Variants in HS3ST4 observed in about 807,000 individuals in gnomAD.
The protein encoded by HS3ST4 is heparan sulfate-glucosamine 3-sulfotransferase 4.
HS3ST4 carries 17 observed loss-of-function variants against 29.2 expected under a neutral mutation model. The ratio of observed to expected loss-of-function variants is 0.58; its 90% CI spans 0.40 to 0.87. HS3ST4 has a LOEUF of 0.87. Among genes scored for constraint, HS3ST4 ranks in the 40% least tolerant of loss-of-function variants. HS3ST4 has a pLI of 0.00. For synonymous variants in HS3ST4, 314 were observed against 285.7 expected (o/e 1.10, Z -1.00); for missense variants, 627 against 634.5 (o/e 0.99, Z 0.13).
chr16:25,824,765 A>G (rs1430317298), intron 1 of HS3ST4: 1 of 152,232 alleles, frequency 6.6e-6, no homozygotes, highest in Non-Finnish European at 1.5e-5. Flanking sequence ...TGCCACATAT[A>G]GAAGTCTTTG....
intron 1 of HS3ST4, among the ~76,000 whole-genome samples, chr16:25,848,137 AC>A (rs1967483844): frequency 6.6e-6 from 1 of 151,764 alleles, no homozygotes; most frequent in African/African-American, 2.4e-5. Flanking sequence ...GTATTTGCTA[AC>A]TTTTTTTTTT....
rs989839864 is a variant in HS3ST4, at chr16:25,822,918, A to G, written c.734+129767A>G. 3.3e-5 allele frequency among the ~76,000 whole-genome samples: 5 copies of G among 152,126 alleles called. No homozygotes were observed. In the South Asian group the frequency reaches 8.3e-4, roughly 25 times the overall value. ...ACCCCTGACTAATTTTTATATTTTT[A>G]GTAGAGAAAGGATTTCCCTATGTTG... On this transcript the variant is annotated intron_variant, in intron 1 of 1. Coordinates refer to ENST00000331351, the MANE Select transcript of HS3ST4 (RefSeq NM_006040.3).
At chr16:26,041,434 C>G (rs1268691076) in intron 1 of HS3ST4, among the ~76,000 whole-genome samples, 1 of 152,188 alleles carries the variant, frequency 6.6e-6, no homozygotes, top group Non-Finnish European at 1.5e-5. Context: ...CAGCCCTACT[C>G]TAGGCCAATC....
chr16:25,956,181 A>C (rs1490765259), intron 1 of HS3ST4, among the ~76,000 whole-genome samples: 1 of 152,182 alleles, frequency 6.6e-6, no homozygotes, highest in Non-Finnish European at 1.5e-5. Context: ...TTAGAGATGC[A>C]TCCTCTCGTC....
chr16:25,797,019 C>T (rs1253120231), intron 1 of HS3ST4, among the ~76,000 whole-genome samples: 5 of 152,170 alleles, frequency 3.3e-5, no homozygotes, highest in Non-Finnish European at 7.3e-5. Context: ...GAGAAGTCCT[C>T]CTGCCCTTGT....
intron 1 of HS3ST4, among the ~76,000 whole-genome samples, chr16:25,939,631 A>G (rs768272898): frequency 7.2e-5 from 11 of 152,022 alleles, no homozygotes; most frequent in Non-Finnish European, 1.5e-4. Context: ...GAGCCACCGT[A>G]CCCGGCCATT....
rs1353554896 is a variant in HS3ST4 at position 26,018,915 on chromosome 16, A to C, written c.735-116697A>C. Among the ~76,000 whole-genome samples, 4 of 151,702 alleles carry C rather than the reference A, an allele frequency of 2.6e-5. No individual in the cohort carries two copies. In the East Asian group the frequency reaches 7.7e-4, roughly 29 times the overall value. ...GCAGGCAGTGGTTTAGTTTCAATAC[A>C]GTCACCCTGTTCTTGATCATCTTTC... On this transcript the variant is annotated intron_variant, in intron 1 of 1. Coordinates refer to ENST00000331351, the MANE Select transcript of HS3ST4 (RefSeq NM_006040.3).
At chr16:26,029,661 T>G (rs1333708124) in intron 1 of HS3ST4, among the ~76,000 whole-genome samples, 1 of 152,206 alleles carries the variant, frequency 6.6e-6, no homozygotes, top group East Asian at 1.9e-4. Flanking sequence ...TCCACACGCC[T>G]CGGCCTCCCA....
chr16:25,709,727 T>A (rs1015876156), intron 1 of HS3ST4, among the ~76,000 whole-genome samples: 13 of 151,728 alleles, frequency 8.6e-5, no homozygotes, highest in Admixed American at 7.2e-4. Flanking sequence ...AGGGAGGCAA[T>A]GCAGGAAAAA....
intron 1 of HS3ST4, among the ~76,000 whole-genome samples, chr16:25,943,566 A>G (rs1968595395): frequency 6.6e-6 from 1 of 152,208 alleles, no homozygotes; most frequent in South Asian, 2.1e-4. Context: ...TGTTTAAAAA[A>G]AAATACTGAG....
At chr16:25,788,540 C>CTTTTTTTTTTTTTTTT (rs34729954) in intron 1 of HS3ST4, among the ~76,000 whole-genome samples, 1 of 99,070 alleles carries the variant, frequency 1.0e-5, no homozygotes, top group Non-Finnish European at 1.9e-5. Context: ...TTCTTTTCTT[C>CTTTTTTTTTTTTTTTT]TTTCTTTTTT....
chr16:25,772,297 T>C (rs527259188), intron 1 of HS3ST4, among the ~76,000 whole-genome samples: 1 of 152,372 alleles, frequency 6.6e-6, no homozygotes, highest in African/African-American at 2.4e-5. Context: ...TCATGCATAG[T>C]GTTTCTCTGA....
intron 1 of HS3ST4, among the ~76,000 whole-genome samples, chr16:26,000,433 A>G (rs1311053108): frequency 1.3e-5 from 2 of 152,198 alleles, no homozygotes; most frequent in African/African-American, 4.8e-5. Flanking sequence ...AGGACCAAAG[A>G]AAGTCCAGGA....
chr16:25,836,211 G>T (rs1967354859), intron 1 of HS3ST4, among the ~76,000 whole-genome samples: 1 of 152,128 alleles, frequency 6.6e-6, no homozygotes, highest in African/African-American at 2.4e-5. Flanking sequence ...ATAAATTTCT[G>T]CTGTGCCTTC....
chr16:25,880,983 C>T (rs1487795045), intron 1 of HS3ST4, among the ~76,000 whole-genome samples: 3 of 152,098 alleles, frequency 2.0e-5, no homozygotes, highest in Non-Finnish European at 4.4e-5. Context: ...TTTTCTTATA[C>T]TGATTTGAGT....
intron 1 of HS3ST4, among the ~76,000 whole-genome samples, chr16:25,918,352 A>G (rs1968313326): frequency 2.0e-5 from 3 of 152,158 alleles, no homozygotes; most frequent in Admixed American, 2.0e-4. Flanking sequence ...AGCAATATTG[A>G]TTGTATAATT....
intron 1 of HS3ST4, among the ~76,000 whole-genome samples, chr16:25,797,609 C>T (rs777294048): frequency 6.6e-6 from 1 of 152,114 alleles, no homozygotes; most frequent in Non-Finnish European, 1.5e-5. Context: ...TCCAAACACT[C>T]CTTGTATTTT....
chr16:26,041,739 T>G (rs1261485956), intron 1 of HS3ST4, among the ~76,000 whole-genome samples: 1 of 152,172 alleles, frequency 6.6e-6, no homozygotes, highest in African/African-American at 2.4e-5. Flanking sequence ...GGCAGCCACA[T>G]TGGGCCCATG....
At chr16:26,020,668 C>T (rs1210254775) in intron 1 of HS3ST4, among the ~76,000 whole-genome samples, 3 of 152,202 alleles carry the variant, frequency 2.0e-5, no homozygotes, top group African/African-American at 7.2e-5. Flanking sequence ...TTGCTACTCT[C>T]AAGGTGTGGT....
Sources: gnomAD v4.1 joint callset for allele counts (sites outside exome capture counted in the v4.1 genomes callset) on GRCh38, gnomAD v4.1.1 for gene constraint, MANE v1.5 for transcripts, NCBI Gene and HGNC (gene_info 2026-07-23, HGNC 2026-07-21) for gene names.